FILIP1L: variants seen among roughly 807,000 people sequenced by gnomAD.
The protein encoded by FILIP1L is filamin A interacting protein 1 like.
FILIP1L carries 55 observed loss-of-function variants against 96.6 expected under a neutral mutation model. That is an observed-to-expected ratio of 0.57 (90% CI 0.46 to 0.71). FILIP1L has a LOEUF of 0.71. Among genes scored for constraint, FILIP1L ranks in the 30% least tolerant of loss-of-function variants. The pLI, the probability that FILIP1L is intolerant of heterozygous loss-of-function variation, is 0.00. For synonymous variants in FILIP1L, 467 were observed against 473.9 expected (o/e 0.99, Z 0.19); for missense variants, 1,304 against 1,321.2 (o/e 0.99, Z 0.20).
intron 1 of FILIP1L, among the ~76,000 whole-genome samples, chr3:99,938,696 T>A (rs1294852538): frequency 1.3e-5 from 2 of 152,154 alleles, no homozygotes; most frequent in Non-Finnish European, 2.9e-5. Flanking sequence ...TTAACTGACT[T>A]ATGGTAAATG....
chr3:99,849,285 A>G lies in FILIP1L; in HGVS notation c.2391T>C (p.Ser797=), dbSNP rs1454095345. ...CTACTGCTTCTGTCTGAACTTCTTT[A>G]GAAAATACTTGAGGATCGGAAATTC... The part of the protein sequence containing the change: ...GRRISDPQVF[S]KEVQTEAVDN... The change falls in exon 5 of 6, where the codon TCT becomes TCC. Residue 797 remains serine, a synonymous_variant. Transcript: ENST00000477258. 6.2e-7 allele frequency: 1 copy of G among 1,614,060 alleles called. No individual in the cohort carries two copies.
At chr3:100,007,651 G>C (rs1243289271) in intron 1 of FILIP1L, among the ~76,000 whole-genome samples, 1 of 152,180 alleles carries the variant, frequency 6.6e-6, no homozygotes, top group African/African-American at 2.4e-5. Context: ...TGCATTTCAA[G>C]GTCAACCTTT....
At chr3:100,015,080 G>A (rs544642692) in intron 1 of FILIP1L, among the ~76,000 whole-genome samples, 53 of 151,116 alleles carry the variant, frequency 3.5e-4, no homozygotes, top group African/African-American at 1.3e-3. Flanking sequence ...TATTGTACGA[G>A]ATAAGGGTCT....
intron 1 of FILIP1L, among the ~76,000 whole-genome samples, chr3:100,102,590 A>G (rs2066328582): frequency 6.6e-6 from 1 of 151,972 alleles, no homozygotes; most frequent in Middle Eastern, 3.2e-3. Flanking sequence ...TGTTTTTCCT[A>G]CTTCCATTAC....
At chr3:99,843,823 C>T (rs1044169204) in intron 5 of FILIP1L, among the ~76,000 whole-genome samples, 13 of 152,158 alleles carry the variant, frequency 8.5e-5, no homozygotes, top group Admixed American at 5.2e-4. Flanking sequence ...GCGAGCATTA[C>T]TGCCTGAGCT....
intron 1 of FILIP1L, among the ~76,000 whole-genome samples, chr3:99,945,455 C>G (rs897809560): frequency 2.0e-5 from 3 of 152,104 alleles, no homozygotes; most frequent in Admixed American, 2.0e-4. Flanking sequence ...GCACCCAGGG[C>G]AGCCAAGAGT....
chr3:99,963,129 T>A (rs939722133), intron 1 of FILIP1L, among the ~76,000 whole-genome samples: 6 of 152,188 alleles, frequency 3.9e-5, no homozygotes, highest in African/African-American at 9.7e-5. Flanking sequence ...ATAATTAGGA[T>A]AACAGTGCAC....
chr3:99,991,640 T>G (rs1193452147), intron 1 of FILIP1L, among the ~76,000 whole-genome samples: 1 of 152,010 alleles, frequency 6.6e-6, no homozygotes, highest in Non-Finnish European at 1.5e-5. Flanking sequence ...GTGTCTGTTA[T>G]TCTACTCTGT....
intron 1 of FILIP1L, among the ~76,000 whole-genome samples, chr3:99,968,875 G>A (rs1222071695): frequency 6.6e-6 from 1 of 152,072 alleles, no homozygotes; most frequent in Non-Finnish European, 1.5e-5. Context: ...AAGTTGAGAA[G>A]GGTTAGCACA....
chr3:100,006,751 C>T (rs912419226), intron 1 of FILIP1L, among the ~76,000 whole-genome samples: 8 of 151,914 alleles, frequency 5.3e-5, no homozygotes, highest in African/African-American at 1.9e-4. Context: ...AAAGTAAGAG[C>T]TTACTCTGTT....
intron 1 of FILIP1L, among the ~76,000 whole-genome samples, chr3:100,029,340 G>A (rs1324845777): frequency 6.6e-6 from 1 of 151,882 alleles, no homozygotes; most frequent in South Asian, 2.1e-4. Context: ...TATTGATTTT[G>A]ATTATGATAA....
In FILIP1L at chr3:99,938,072, TGTGCGCGC is replaced by T. The variant is rs750829520; in HGVS notation, c.-10-7050_-10-7043del. Among the ~76,000 whole-genome samples, 4 of 142,606 alleles carry T rather than the reference TGTGCGCGC, an allele frequency of 2.8e-5. No individual in the cohort carries two copies. In the East Asian group the frequency reaches 6.1e-4, roughly 22 times the overall value. 93.6% of individuals were successfully genotyped at this position (142,606 alleles called of 152,430 possible). On this transcript the variant is annotated intron_variant, in intron 1 of 5. Transcript: ENST00000477258. The stretch of plus-strand genomic sequence containing the variant: ...GGAAGTGTGTGTGTGTGTGTGTGTG[TGTGCGCGC>T]GCGCGCGCGCGTGCATGCACACTCG...
In FILIP1L at chr3:99,981,630, T is replaced by C. The variant is rs547269940; in HGVS notation, c.-10-50600A>G. ...TATGTATGAATCCCCGTTTTGCAAGTGGAAAATTGACAGTTTCAATAACTT... is the reference window on the plus strand; with the variant it reads ...TATGTATGAATCCCCGTTTTGCAAGCGGAAAATTGACAGTTTCAATAACTT... On this transcript the variant is annotated intron_variant, in intron 1 of 5. Coordinates refer to ENST00000477258, the MANE Select transcript of FILIP1L (RefSeq NM_001387850.1). Among the ~76,000 whole-genome samples the C allele has an allele frequency of 2.0e-5, 3 of 152,324 alleles. 1 individual carries two copies. In the East Asian group the frequency reaches 5.8e-4, roughly 29 times the overall value.
chr3:100,016,810 T>G (rs1402949017), intron 1 of FILIP1L, among the ~76,000 whole-genome samples: 1 of 152,230 alleles, frequency 6.6e-6, no homozygotes, highest in Non-Finnish European at 1.5e-5. Flanking sequence ...TTTATCTCTT[T>G]TCTTAATAGT....
At chr3:100,101,010 C>CT (rs2066295327) in intron 1 of FILIP1L, among the ~76,000 whole-genome samples, 1 of 152,148 alleles carries the variant, frequency 6.6e-6, no homozygotes, top group East Asian at 1.9e-4. Context: ...AGTGGCATCT[C>CT]ACTTGCATGC....
chr3:99,967,801 C>T (rs954355506), intron 1 of FILIP1L, among the ~76,000 whole-genome samples: 3 of 152,158 alleles, frequency 2.0e-5, no homozygotes, highest in South Asian at 4.1e-4. Context: ...ACCAATACTC[C>T]TTGAGTGCCT....
rs1487263369 is a variant in FILIP1L at position 99,991,975 on chromosome 3, C to CACACAT, written c.-10-60946_-10-60945insATGTGT. Among the ~76,000 whole-genome samples the CACACAT allele has an allele frequency of 2.3e-4, 34 of 146,508 alleles. No individual in the cohort carries two copies. In the South Asian group the frequency reaches 2.8e-3, roughly 12 times the overall value. ...GTATATATGTGTGTATATATACACA[C>CACACAT]ATATATGTGTATATATACGTATATA... On this transcript the variant is annotated intron_variant, in intron 1 of 5. Coordinates refer to ENST00000477258, the MANE Select transcript of FILIP1L (RefSeq NM_001387850.1).
At chr3:99,991,964 A>G (rs1314889689) in intron 1 of FILIP1L, among the ~76,000 whole-genome samples, 8 of 148,820 alleles carry the variant, frequency 5.4e-5, no homozygotes, top group African/African-American at 1.7e-4. Flanking sequence ...ATATGTGTGT[A>G]TATATACACA....
In FILIP1L at chr3:99,930,035, G is replaced by A. The variant is rs1482512518; in HGVS notation, c.253-6C>T. ...CCTATGACCTCATCTCGAGCCTGTA[G>A]GAACAAAAAGTATTTCAGAAAGCCT... On this transcript the variant is annotated splice_polypyrimidine_tract_variant and splice_region_variant and intron_variant, in intron 2 of 5. Coordinates refer to ENST00000477258, the MANE Select transcript of FILIP1L (RefSeq NM_001387850.1). 5 of 1,589,268 alleles carry A rather than the reference G, an allele frequency of 3.1e-6. No homozygotes were observed. The South Asian group carries it at 4.6e-5, about 15-fold the overall frequency.
Sources: gnomAD v4.1 joint callset for allele counts (sites outside exome capture counted in the v4.1 genomes callset) on GRCh38, gnomAD v4.1.1 for gene constraint, MANE v1.5 for transcripts, NCBI Gene and HGNC (gene_info 2026-07-23, HGNC 2026-07-21) for gene names.